The following USP3 variants were observed in gnomAD, a reference collection of about 807,000 sequenced individuals.
The protein encoded by USP3 is ubiquitin carboxyl-terminal hydrolase 3.
In USP3, 20 loss-of-function variants were observed where a neutral mutation model predicts 72.3. That is an observed-to-expected ratio of 0.28 (90% CI 0.19 to 0.40). The LOEUF is 0.40. Ranked by LOEUF, USP3 falls within the 10% of genes least tolerant of loss-of-function variation. The pLI, the probability that USP3 is intolerant of heterozygous loss-of-function variation, is 1.00. For missense variants in USP3, 479 were observed against 633.9 expected, an observed-to-expected ratio of 0.76 and a Z score of 2.62; for synonymous variants, 222 against 225.3, an observed-to-expected ratio of 0.99 and a Z score of 0.13.
At chr15:63,526,763 A>T (rs117017308) in intron 1 of USP3, among the ~76,000 whole-genome samples, 1,631 of 152,382 alleles carry the variant, frequency 0.011, 9 homozygotes, top group Middle Eastern at 0.061. Flanking sequence ...TTAGAAAATT[A>T]TACTACATTA....
chr15:63,584,104 T>G lies in USP3; in HGVS notation c.1097-4201T>G, dbSNP rs189792719. On this transcript the variant is annotated intron_variant, in intron 11 of 14. Transcript: ENST00000380324. The stretch of plus-strand genomic sequence containing the variant: ...GTACAACGGTTTTGTTTTTTTTTTT[T>G]TTTTTTTTTTTGAGATGGAGTCTCG... 1.7e-4 allele frequency among the ~76,000 whole-genome samples: 25 copies of G among 145,344 alleles called. 1 individual carries two copies. Among genetic ancestry groups the G allele is most frequent in the African/African-American group, 4.8e-4 (19 of 39,270 alleles).
In USP3 at chr15:63,588,633, G is replaced by A. The variant is rs759928385; in HGVS notation, c.1216-69G>A. 1.7e-6 allele frequency: 2 copies of A among 1,173,146 alleles called. No individual in the cohort carries two copies. Among genetic ancestry groups the A allele is most frequent in the Non-Finnish European group, 2.5e-6 (2 of 795,262 alleles). The allele number at this position is 1,173,146 out of a possible 1,614,324, so 72.7% of individuals were successfully genotyped here. ...TAAAATGTTATTTACTGAACTGATAGTAGTATCAAACTTTGACTGAAAGGT... is the reference window on the plus strand; with the variant it reads ...TAAAATGTTATTTACTGAACTGATAATAGTATCAAACTTTGACTGAAAGGT... On this transcript the variant is annotated intron_variant, in intron 12 of 14. Coordinates refer to ENST00000380324, the MANE Select transcript of USP3 (RefSeq NM_006537.4). This position sits in a 1 kb window ranked among gnomAD's most constrained non-coding sequence, Gnocchi z 4.6.
intron 1 of USP3, among the ~76,000 whole-genome samples, chr15:63,508,242 G>T (rs531363507): frequency 7.9e-5 from 12 of 152,284 alleles, no homozygotes; most frequent in African/African-American, 2.6e-4. Context: ...GTAAGCTATA[G>T]TTAACAGTTA....
rs1468124037 is a variant in USP3 at position 63,547,880 on chromosome 15, GAGAGAGAGAGAGAGAGGCAT to G, written c.285-5826_285-5807del. ...AGAGAGAGGCATAGAGAGAGAGAGA[GAGAGAGAGAGAGAGAGGCAT>G]AGAGAGAGGCATATAGTGGCTCATG... On this transcript the variant is annotated intron_variant, in intron 3 of 14. Transcript: ENST00000380324. 2.2e-4 allele frequency among the ~76,000 whole-genome samples: 20 copies of G among 90,100 alleles called. 1 individual carries two copies. The highest frequency in any genetic ancestry group is 9.2e-4 in the African/African-American group (20 of 21,640). 59.1% of individuals were successfully genotyped at this position (90,100 alleles called of 152,430 possible).
chr15:63,532,512 A>T, intron 1 of USP3, 135 bp from the exon 2 acceptor site: 1 of 970,302 alleles, frequency 1.0e-6, no homozygotes, highest in South Asian at 1.4e-5. Context: ...GTGTAAATGC[A>T]TTCACAAAGC....
At chr15:63,581,914 G>C (rs1360345965) in intron 11 of USP3, among the ~76,000 whole-genome samples, 1 of 151,366 alleles carries the variant, frequency 6.6e-6, no homozygotes, top group Admixed American at 6.6e-5. Context: ...TGAATTCCTA[G>C]GCTCAAATGA....
chr15:63,532,611 T>C (rs2066093320), intron 1 of USP3, 36 bp from the exon 2 acceptor site: 1 of 1,609,898 alleles, frequency 6.2e-7, no homozygotes, highest in African/African-American at 1.3e-5. Context: ...AATAACATGA[T>C]GCAATTGGTA....
At chr15:63,522,038 C>T (rs909070444) in intron 1 of USP3, among the ~76,000 whole-genome samples, 3 of 152,144 alleles carry the variant, frequency 2.0e-5, no homozygotes, top group Non-Finnish European at 2.9e-5. Flanking sequence ...ACCTTCCACG[C>T]TCAAGTTATT....
At chr15:63,511,482 C>G (rs1051206788) in intron 1 of USP3, among the ~76,000 whole-genome samples, 1 of 152,008 alleles carries the variant, frequency 6.6e-6, no homozygotes, top group African/African-American at 2.4e-5. Flanking sequence ...AAAGTGCTGG[C>G]AAGTTGGAAC....
intron 1 of USP3, among the ~76,000 whole-genome samples, chr15:63,523,032 T>C (rs1348813921): frequency 6.6e-6 from 1 of 152,226 alleles, no homozygotes; most frequent in Non-Finnish European, 1.5e-5. Flanking sequence ...GCTTCTAAAA[T>C]GCATTTTTCC....
chr15:63,564,295 G>A (rs2066653257), intron 8 of USP3, among the ~76,000 whole-genome samples: 1 of 152,134 alleles, frequency 6.6e-6, no homozygotes, highest in South Asian at 2.1e-4. Flanking sequence ...TTTTAGAGGA[G>A]ACAAAACTGA....
chr15:63,504,783 A>C lies in USP3; in HGVS notation c.44A>C (p.Asp15Ala). The stretch of plus-strand genomic sequence containing the variant: ...AGCTCCAGCGTCTGCATTGCTCCGG[A>C]CTCAGCCAAGTTCCCCAACGGCTCC... ...HLSSSVCIAP[D>A]SAKFPNGSPS... The change falls in exon 1 of 15, where the codon GAC becomes GCC. Residue 15 changes from aspartate to alanine, a missense_variant. Transcript: ENST00000380324. 6.2e-7 allele frequency: 1 copy of C among 1,611,268 alleles called. No individual in the cohort carries two copies. Among genetic ancestry groups the C allele is most frequent in the Non-Finnish European group, 8.5e-7 (1 of 1,178,966 alleles).
In USP3 at chr15:63,509,866, CTTG is replaced by C. The variant is rs796926353; in HGVS notation, c.91+5041_91+5043del. On this transcript the variant is annotated intron_variant, in intron 1 of 14. Transcript: ENST00000380324. ...GTATAGAGATTGAGCCTAACATTTA[CTTG>C]TTGTGAAGAAGTTTTGACACATTGA... Among the ~76,000 whole-genome samples, 100 of 152,204 alleles carry C rather than the reference CTTG, an allele frequency of 6.6e-4. 2 individuals carry two copies. Among genetic ancestry groups the C allele is most frequent in the African/African-American group, 2.3e-3 (94 of 41,540 alleles).
At chr15:63,579,018 T>C (rs890443813) in intron 11 of USP3, among the ~76,000 whole-genome samples, 1 of 152,132 alleles carries the variant, frequency 6.6e-6, no homozygotes, top group Non-Finnish European at 1.5e-5. Context: ...TTGATAAATA[T>C]ATTATAAACA....
chr15:63,559,011 T>G (rs1251180917), intron 6 of USP3, among the ~76,000 whole-genome samples: 1 of 152,220 alleles, frequency 6.6e-6, no homozygotes, highest in Non-Finnish European at 1.5e-5. Flanking sequence ...ACAGAGAGCC[T>G]TGTTCAGAGA....
At chr15:63,563,806 A>C (rs953221729) in intron 8 of USP3, among the ~76,000 whole-genome samples, 22 of 152,224 alleles carry the variant, frequency 1.4e-4, no homozygotes, top group African/African-American at 4.6e-4. Context: ...TTAGTCATCT[A>C]TCTTGCCCTA....
chr15:63,552,791 A>G (rs568104608), intron 3 of USP3, among the ~76,000 whole-genome samples: 14 of 152,270 alleles, frequency 9.2e-5, no homozygotes, highest in South Asian at 6.2e-4. Context: ...GGAATCTGCT[A>G]GAGATGACCT....
intron 1 of USP3, among the ~76,000 whole-genome samples, chr15:63,522,147 A>G (rs1390261426): frequency 1.3e-5 from 2 of 152,168 alleles, no homozygotes. Flanking sequence ...AAGTGTTGGG[A>G]TTACAGGCAT....
At chr15:63,514,644 C>T (rs2065828309) in intron 1 of USP3, among the ~76,000 whole-genome samples, 1 of 151,984 alleles carries the variant, frequency 6.6e-6, no homozygotes, top group Non-Finnish European at 1.5e-5. Flanking sequence ...GATATTAAGC[C>T]TATTGTTCTC....
Sources: gnomAD v4.1 joint callset for allele counts (sites outside exome capture counted in the v4.1 genomes callset) on GRCh38, gnomAD v4.1.1 for gene constraint, Gnocchi (gnomAD v3.1) non-coding constraint, MANE v1.5 for transcripts, NCBI Gene and HGNC (gene_info 2026-07-23, HGNC 2026-07-21) for gene names.